Variants in PLXDC2 observed in about 807,000 individuals in gnomAD.
PLXDC2 encodes plexin domain containing 2, also known as plexin domain-containing protein 2.
Under a neutral mutation model 68.9 loss-of-function variants are expected in PLXDC2, and 40 were observed. That is an observed-to-expected ratio of 0.58 (90% CI 0.45 to 0.76). The LOEUF is 0.76. Ranked by LOEUF, PLXDC2 falls within the 30% of genes least tolerant of loss-of-function variation. The pLI, the probability that PLXDC2 is intolerant of heterozygous loss-of-function variation, is 0.00. For synonymous variants in PLXDC2, 243 were observed against 234.2 expected (o/e 1.04, Z -0.34); for missense variants, 644 against 661.9 (o/e 0.97, Z 0.30).
intron 1 of PLXDC2, among the ~76,000 whole-genome samples, chr10:19,852,234 T>C (rs1162868120): frequency 1.3e-5 from 2 of 151,686 alleles, no homozygotes; most frequent in East Asian, 3.9e-4. Flanking sequence ...TGAGACCCCA[T>C]CTCTACAACA....
At chr10:19,963,123 A>G (rs1261050556) in intron 1 of PLXDC2, among the ~76,000 whole-genome samples, 1 of 151,524 alleles carries the variant, frequency 6.6e-6, no homozygotes. Flanking sequence ...AGCTCACTTT[A>G]TACATCAGGT....
At chr10:19,880,156 A>C (rs1187553434) in intron 1 of PLXDC2, among the ~76,000 whole-genome samples, 1 of 152,188 alleles carries the variant, frequency 6.6e-6, no homozygotes, top group Non-Finnish European at 1.5e-5. Flanking sequence ...ATATGATGGT[A>C]TCTGTTACAT....
intron 10 of PLXDC2, among the ~76,000 whole-genome samples, chr10:20,212,637 A>G (rs2884567): frequency 0.29 from 43,987 of 152,082 alleles, 7,246 homozygotes; most frequent in East Asian, 0.53. Flanking sequence ...TATTTGTTCA[A>G]TGGTTACTTA....
At position 20,001,899 on chromosome 10, in the gene PLXDC2, A is replaced by C. The variant is rs755756968; in HGVS notation, c.237A>C (p.Arg79=). 1 of 1,613,812 alleles carries C rather than the reference A, an allele frequency of 6.2e-7. No homozygotes were observed. The highest frequency in any genetic ancestry group is 1.1e-5 in the South Asian group (1 of 91,078). ...TTCTCAAGGCGGTAGACACGAACCG[A>C]GCAAGCGTCGGCCAAGACTCTCCTG... is the stretch of plus-strand genomic sequence containing the variant. The part of the protein sequence containing the change: ...LDFLKAVDTN[R]ASVGQDSPEP... Residue 79 remains arginine (R), a synonymous_variant, in exon 2 of 14, where the codon CGA becomes CGC. Coordinates refer to ENST00000377252, the MANE Select transcript of PLXDC2 (RefSeq NM_032812.9).
At chr10:20,001,054 CT>C (rs1834927668) in intron 1 of PLXDC2, among the ~76,000 whole-genome samples, 3 of 152,248 alleles carry the variant, frequency 2.0e-5, no homozygotes, top group Admixed American at 2.0e-4. Context: ...TTTAAAATGC[CT>C]TTGTGATTTG....
At chr10:20,141,821 A>G (rs1354226791) in intron 4 of PLXDC2, among the ~76,000 whole-genome samples, 2 of 152,102 alleles carry the variant, frequency 1.3e-5, no homozygotes, top group East Asian at 3.8e-4. Context: ...GTGAAATTAC[A>G]AATGTACAAA....
intron 4 of PLXDC2, among the ~76,000 whole-genome samples, chr10:20,113,514 A>G (rs529113224): frequency 2.0e-5 from 3 of 152,216 alleles, no homozygotes; most frequent in Admixed American, 1.3e-4. Context: ...ATTGCAGCCA[A>G]TTCCATCCTT....
intron 12 of PLXDC2, among the ~76,000 whole-genome samples, chr10:20,239,041 C>T (rs1214089408): frequency 6.6e-6 from 1 of 151,990 alleles, no homozygotes; most frequent in Non-Finnish European, 1.5e-5. Flanking sequence ...CCATTTTTGG[C>T]TTGGAGAGAC....
intron 9 of PLXDC2, among the ~76,000 whole-genome samples, chr10:20,195,189 G>C (rs68120312): frequency 0.24 from 36,874 of 152,006 alleles, 5,863 homozygotes; most frequent in Middle Eastern, 0.37. Flanking sequence ...GCAGCCTGTG[G>C]TCCGGGCCTC....
At chr10:20,262,922 C>T (rs562710588) in intron 13 of PLXDC2, among the ~76,000 whole-genome samples, 1 of 152,354 alleles carries the variant, frequency 6.6e-6, no homozygotes, top group South Asian at 2.1e-4. Context: ...AACTCAGCAA[C>T]TCCCTGGACA....
intron 4 of PLXDC2, among the ~76,000 whole-genome samples, chr10:20,094,378 G>C (rs1395123996): frequency 1.3e-5 from 2 of 152,144 alleles, no homozygotes; most frequent in South Asian, 2.1e-4. Context: ...AGGTCACACA[G>C]AGAGTTTTCA....
intron 1 of PLXDC2, among the ~76,000 whole-genome samples, chr10:19,948,892 C>A (rs1379124067): frequency 2.6e-5 from 4 of 151,830 alleles, no homozygotes; most frequent in Non-Finnish European, 5.9e-5. Context: ...CGTCTGTAAT[C>A]CCAGCACTTT....
chr10:20,002,084 C>A, intron 2 of PLXDC2, 98 bp downstream of exon 2: 1 of 1,244,374 alleles, frequency 8.0e-7, no homozygotes, highest in Non-Finnish European at 1.1e-6. Flanking sequence ...TCATCTCAAT[C>A]TAGAAATTTT....
intron 1 of PLXDC2, among the ~76,000 whole-genome samples, chr10:19,881,001 T>C (rs534331994): frequency 6.6e-6 from 1 of 152,362 alleles, no homozygotes; most frequent in Non-Finnish European, 1.5e-5. Context: ...TAAAATTAGG[T>C]TGTGCTCAAA....
At chr10:19,937,425 C>G (rs897775261) in intron 1 of PLXDC2, among the ~76,000 whole-genome samples, 3 of 151,776 alleles carry the variant, frequency 2.0e-5, no homozygotes, top group Admixed American at 1.3e-4. Context: ...TCTTCACTTC[C>G]TTCTTTCCTA....
chr10:20,232,958 T>C (rs936031247), intron 12 of PLXDC2, among the ~76,000 whole-genome samples: 30 of 152,214 alleles, frequency 2.0e-4, no homozygotes, highest in Non-Finnish European at 2.5e-4. Flanking sequence ...CATAGTTTTT[T>C]TTTAAATTCC....
rs945819900 is a variant in PLXDC2, at chr10:20,282,155, T to G, written c.*2336T>G. On this transcript the variant is annotated 3_prime_UTR_variant, in exon 14 of 14. Coordinates refer to ENST00000377252, the MANE Select transcript of PLXDC2 (RefSeq NM_032812.9). ...CAAAGCAACAAATAATAGAGAAAAC[T>G]TCTTGAAACTGGAGTGTGGGAAAAC... 6.6e-6 allele frequency: 1 copy of G among 152,120 alleles called. No individual in the cohort carries two copies. The highest frequency in any genetic ancestry group is 2.4e-5 in the African/African-American group (1 of 41,426). 9.4% of individuals were successfully genotyped at this position (152,120 alleles called of 1,614,324 possible). A position where few individuals can be genotyped will look rare whatever the true frequency, so the allele number is the denominator to read the frequency against.
chr10:19,819,031 TACACACACACACACACACAC>T (rs63295361), intron 1 of PLXDC2, among the ~76,000 whole-genome samples: 1 of 147,724 alleles, frequency 6.8e-6, no homozygotes, highest in East Asian at 2.0e-4. Flanking sequence ...AATATATGTA[TACACACACACACACACACAC>T]ACACACACAC....
chr10:20,119,757 G>A (rs1055166790), intron 4 of PLXDC2, among the ~76,000 whole-genome samples: 5 of 152,050 alleles, frequency 3.3e-5, no homozygotes, highest in Middle Eastern at 3.2e-3. Context: ...AACCTAGAGT[G>A]GGAGAGATTA....
Sources: allele counts gnomAD v4.1 joint callset (sites outside exome capture counted in the v4.1 genomes callset), GRCh38; gene constraint gnomAD v4.1.1; transcripts MANE v1.5; gene names NCBI Gene and HGNC (gene_info 2026-07-23, HGNC 2026-07-21).